Variants in CSMD3 observed in about 807,000 individuals in gnomAD.
CSMD3 encodes the protein CUB and Sushi multiple domains 3.
Under a neutral mutation model 435.2 loss-of-function variants are expected in CSMD3, and 177 were observed. The observed-to-expected ratio is 0.41, with a 90% confidence interval of 0.36 to 0.46. CSMD3 has a LOEUF of 0.46. CSMD3 is among the 20% of genes least tolerant of loss of function. The probability of loss-of-function intolerance (pLI) is 0.34; values close to 1 mark genes in which losing one functional copy is unlikely to be tolerated. For missense variants in CSMD3, 4,265 were observed against 4,504.6 expected (o/e 0.95, Z 1.52); for synonymous variants, 1,656 against 1,520.5 (o/e 1.09, Z -2.07).
intron 38 of CSMD3, among the ~76,000 whole-genome samples, chr8:112,378,799 T>A (rs1829196986): frequency 6.6e-6 from 1 of 152,130 alleles, no homozygotes; most frequent in Non-Finnish European, 1.5e-5. Flanking sequence ...AGAAGAAAGA[T>A]TTGAAATGTT....
intron 23 of CSMD3, among the ~76,000 whole-genome samples, chr8:112,579,786 T>C (rs1830211673): frequency 6.6e-6 from 1 of 152,046 alleles, no homozygotes; most frequent in Non-Finnish European, 1.5e-5. Flanking sequence ...ACAAGAATGT[T>C]ATTAATCAAG....
chr8:113,410,477 T>G (rs1386091743), intron 1 of CSMD3, among the ~76,000 whole-genome samples: 1 of 152,122 alleles, frequency 6.6e-6, no homozygotes, highest in Non-Finnish European at 1.5e-5. Context: ...CCCTCCTGCT[T>G]GAATATGCTT....
rs1822280697 is a variant in CSMD3 at position 112,314,542 on chromosome 8, G to A, written c.7436C>T (p.Pro2479Leu). The A allele has an allele frequency of 6.2e-7, 1 of 1,611,736 alleles. No homozygotes were observed. Among genetic ancestry groups the A allele is most frequent in the South Asian group, 1.1e-5 (1 of 91,054 alleles). The change falls in exon 48 of 71, where the codon CCA becomes CTA. Residue 2479 changes from proline to leucine, a missense_variant. By Grantham distance (98) the Pro-to-Leu change is moderately conservative. This residue lies in a region of CSMD3 where 3,255 missense variants were observed against 3,380.2 expected (regional missense o/e 0.96). Transcript: ENST00000297405. Reference sequence around the variant, plus strand: ...GCTCCATGCACACATTTGAAGATTTGGGTAACTGTCAGGATATCCAGGGCT... The same window carrying A: ...GCTCCATGCACACATTTGAAGATTTAGGTAACTGTCAGGATATCCAGGGCT... ...ILSPGYPDSY[P>L]NLQMCAWSIS...
chr8:113,383,969 T>C (rs1343839566), intron 1 of CSMD3, among the ~76,000 whole-genome samples: 1 of 152,174 alleles, frequency 6.6e-6, no homozygotes, highest in Non-Finnish European at 1.5e-5. Context: ...ATCTAATGCA[T>C]ACGATTTAAG....
chr8:112,396,840 G>A (rs998488031), intron 35 of CSMD3, among the ~76,000 whole-genome samples: 3 of 152,082 alleles, frequency 2.0e-5, no homozygotes, highest in Non-Finnish European at 4.4e-5. Flanking sequence ...AAGAGTAAAC[G>A]GTTGATGGGT....
intron 7 of CSMD3, among the ~76,000 whole-genome samples, chr8:112,964,000 T>C (rs1290885176): frequency 6.6e-6 from 1 of 151,954 alleles, no homozygotes; most frequent in Non-Finnish European, 1.5e-5. Context: ...TATATTTTCT[T>C]CTTGCAAATG....
At chr8:113,286,392 A>G (rs1438236809) in intron 2 of CSMD3, among the ~76,000 whole-genome samples, 1 of 152,188 alleles carries the variant, frequency 6.6e-6, no homozygotes. Context: ...TTGGTAATTA[A>G]TGAAAAAGTG....
At chr8:112,565,303 C>T (rs1423636169) in intron 24 of CSMD3, among the ~76,000 whole-genome samples, 2 of 151,980 alleles carry the variant, frequency 1.3e-5, no homozygotes, top group African/African-American at 4.8e-5. Flanking sequence ...TACTTATTTT[C>T]TACTTGCATT....
At position 113,112,748 on chromosome 8, in the gene CSMD3, T is replaced by C. The variant is rs73340268; in HGVS notation, c.710-13785A>G. Among the ~76,000 whole-genome samples the C allele has an allele frequency of 3.6e-3, 542 of 152,228 alleles. 3 individuals are homozygous for C. The highest frequency in any genetic ancestry group is 0.012 in the African/African-American group (506 of 41,532). ...CACTTCACTGAAGATTGAACTTTGT[T>C]CCAAGAGTGTTTAAGTGACTTGCCT... On this transcript the variant is annotated intron_variant, in intron 4 of 70. Transcript: ENST00000297405.
chr8:112,813,799 A>T (rs2079294548), intron 12 of CSMD3, among the ~76,000 whole-genome samples: 2 of 152,168 alleles, frequency 1.3e-5, no homozygotes, highest in Non-Finnish European at 2.9e-5. Context: ...GGGTGAGTAG[A>T]GGAATTTATT....
chr8:113,046,121 G>A (rs908544694), intron 5 of CSMD3, among the ~76,000 whole-genome samples: 3 of 149,048 alleles, frequency 2.0e-5, no homozygotes, highest in Non-Finnish European at 4.5e-5. Flanking sequence ...CCTGGCAAGC[G>A]CTTCCACTAT....
intron 59 of CSMD3, among the ~76,000 whole-genome samples, chr8:112,280,635 A>T (rs569885344): frequency 7.2e-5 from 11 of 152,154 alleles, no homozygotes; most frequent in Non-Finnish European, 1.5e-4. Context: ...AATGTGTATA[A>T]TTTTAAGACT....
At chr8:113,251,834 G>A (rs2093337548) in intron 3 of CSMD3, among the ~76,000 whole-genome samples, 1 of 151,922 alleles carries the variant, frequency 6.6e-6, no homozygotes, top group Admixed American at 6.6e-5. Context: ...TGATTCACTT[G>A]ACAGAGTTTT....
intron 58 of CSMD3, among the ~76,000 whole-genome samples, chr8:112,285,630 T>C (rs1819113302): frequency 6.6e-6 from 1 of 152,150 alleles, no homozygotes; most frequent in African/African-American, 2.4e-5. Flanking sequence ...AATAAAATAA[T>C]CACAAAAAGA....
At chr8:113,161,566 CT>C (rs546799160) in intron 4 of CSMD3, among the ~76,000 whole-genome samples, 147 of 152,152 alleles carry the variant, frequency 9.7e-4, no homozygotes, top group African/African-American at 3.4e-3. Context: ...TCTAACATAA[CT>C]TTTTGTGGTC....
chr8:113,325,463 T>C (rs1005411736), intron 1 of CSMD3, among the ~76,000 whole-genome samples: 9 of 152,172 alleles, frequency 5.9e-5, no homozygotes, highest in African/African-American at 2.2e-4. Flanking sequence ...AGATGTGACT[T>C]TCTCCTCCTT....
chr8:112,675,927 T>G (rs541596633), intron 16 of CSMD3, among the ~76,000 whole-genome samples: 1 of 152,184 alleles, frequency 6.6e-6, no homozygotes, highest in Non-Finnish European at 1.5e-5. Context: ...TTTTGAATGA[T>G]TTCAAAGGAA....
At chr8:112,870,965 C>G (rs967304903) in intron 10 of CSMD3, among the ~76,000 whole-genome samples, 2 of 152,158 alleles carry the variant, frequency 1.3e-5, no homozygotes, top group African/African-American at 4.8e-5. Flanking sequence ...CATCTCCCCC[C>G]ACCACTCCCC....
intron 22 of CSMD3, among the ~76,000 whole-genome samples, chr8:112,616,738 G>A (rs1438461979): frequency 6.6e-6 from 1 of 152,094 alleles, no homozygotes; most frequent in Admixed American, 6.6e-5. Context: ...ATGGCAGATG[G>A]CATACAAAGA....
Sources: allele counts gnomAD v4.1 joint callset (sites outside exome capture counted in the v4.1 genomes callset), GRCh38; gene constraint gnomAD v4.1.1; regional missense constraint gnomAD v4.1.1; transcripts MANE v1.5; gene names NCBI Gene and HGNC (gene_info 2026-07-23, HGNC 2026-07-21).